The following SEZ6L2 variants were observed in gnomAD, a reference collection of about 807,000 sequenced individuals.
SEZ6L2 encodes the protein seizure related 6 homolog like 2, also known as seizure 6-like protein 2.
SEZ6L2 carries 44 observed loss-of-function variants against 97.0 expected under a neutral mutation model. The observed-to-expected ratio is 0.45, with a 90% CI of 0.36 to 0.58. SEZ6L2 has a LOEUF of 0.58. Among genes scored for constraint, SEZ6L2 ranks in the 20% least tolerant of loss-of-function variants. The probability of loss-of-function intolerance (pLI) is 0.00; values close to 1 mark genes in which losing one functional copy is unlikely to be tolerated. For missense variants in SEZ6L2, 1,086 were observed against 1,233.3 expected (o/e 0.88, Z 1.79); for synonymous variants, 543 against 546.1 (o/e 0.99, Z 0.08).
chr16:29,880,114 G>C, intron 8 of SEZ6L2, 50 bp from the exon 9 acceptor site: 1 of 1,564,638 alleles, frequency 6.4e-7, no homozygotes, highest in Non-Finnish European at 8.7e-7. Context: ...GGCCTCAAGG[G>C]ATCTTAAATT....
At position 29,885,693 on chromosome 16, in the gene SEZ6L2, A is replaced by G. The variant is rs1376675981; in HGVS notation, c.1265T>C (p.Met422Thr). Reference protein sequence around the residue: ...PLSPVIYDSDMDDVPERGLIS... With the variant: ...PLSPVIYDSDTDDVPERGLIS... Reference sequence around the variant, plus strand: ...GAGACCCCGCTCGGGGACATCGTCCATGTCCGAATCATAGATCACGGGGGA... The same window carrying G: ...GAGACCCCGCTCGGGGACATCGTCCGTGTCCGAATCATAGATCACGGGGGA... The change falls in exon 8 of 18, where the codon ATG becomes ACG. Residue 422 changes from methionine to threonine, a missense_variant. Around this residue, in one of 2 missense-constraint regions of SEZ6L2, gnomAD observed 776 missense variants for 794.7 expected, o/e 0.98. Transcript: ENST00000617533. 1 of 1,613,830 alleles carries G rather than the reference A, an allele frequency of 6.2e-7. No individual in the cohort carries two copies. The highest frequency in any genetic ancestry group is 1.3e-5 in the African/African-American group (1 of 74,888).
intron 12 of SEZ6L2, among the ~76,000 whole-genome samples, chr16:29,875,291 G>C (rs956915596): frequency 2.6e-5 from 4 of 152,184 alleles, no homozygotes; most frequent in African/African-American, 9.7e-5. Context: ...GCCAGGGAGT[G>C]GCAGAGCCGG....
At position 29,888,699 on chromosome 16, in the gene SEZ6L2, G is replaced by A; in HGVS notation, c.880C>T (p.Pro294Ser). ...CTCACGTCCCCATGGGCCGGCCGGG[G>A]AGGGAAGCCACAGCTCAGGAGGTAG... Reference protein sequence around the residue: ...QAYLLSCGFPPRPAHGDVSVT... With the variant: ...QAYLLSCGFPSRPAHGDVSVT... The change falls in exon 6 of 18, where the codon CCC (proline) becomes TCC (serine). Residue 294 changes from proline (P) to serine (S), a missense_variant. Coordinates refer to ENST00000617533, the MANE Select transcript of SEZ6L2 (RefSeq NM_001243332.2). 1 of 1,613,420 alleles carries A rather than the reference G, an allele frequency of 6.2e-7. No homozygotes were observed.
intron 6 of SEZ6L2, 142 bp downstream of exon 6, chr16:29,888,398 C>A (rs1004117138): frequency 3.7e-6 from 3 of 807,260 alleles, no homozygotes; most frequent in East Asian, 5.6e-5. Flanking sequence ...TGGCTGCAGA[C>A]CCCAGGATGG....
Position 29,871,401 on chromosome 16 carries a change from C to T in SEZ6L2, c.*298G>A. The T allele has an allele frequency of 1.9e-6, 1 of 527,062 alleles. No individual in the cohort carries two copies. Among genetic ancestry groups the T allele is most frequent in the South Asian group, 2.1e-5 (1 of 47,540 alleles). 32.6% of individuals were successfully genotyped at this position (527,062 alleles called of 1,614,324 possible). A position where few individuals can be genotyped will look rare whatever the true frequency, so the allele number is the denominator to read the frequency against. ...GGCAGTCCTTGAGGGGTGCCCTGGG[C>T]AGGAGGGGCTGCAAGATTTGCAGGG... On this transcript the variant is annotated 3_prime_UTR_variant, in exon 18 of 18. Transcript: ENST00000617533.
At position 29,878,283 on chromosome 16, in the gene SEZ6L2, A is replaced by T; in HGVS notation, c.1712+4T>A. 6.3e-7 allele frequency: 1 copy of T among 1,589,846 alleles called. No individual in the cohort carries two copies. Among genetic ancestry groups the T allele is most frequent in the Non-Finnish European group, 8.6e-7 (1 of 1,166,140 alleles). On this transcript the variant is annotated splice_donor_region_variant and intron_variant, in intron 10 of 17. Coordinates refer to ENST00000617533, the MANE Select transcript of SEZ6L2 (RefSeq NM_001243332.2). Reference sequence around the variant, plus strand: ...GTCGCACCCTCTGCAGGACCCAAACATACATCTCAACTTGGAGCAAGATGC... The same window carrying T: ...GTCGCACCCTCTGCAGGACCCAAACTTACATCTCAACTTGGAGCAAGATGC...
chr16:29,871,576 G>T lies in SEZ6L2; in HGVS notation c.*123C>A. The T allele has an allele frequency of 2.1e-6, 2 of 956,778 alleles. No individual in the cohort carries two copies. The highest frequency in any genetic ancestry group is 3.3e-6 in the Non-Finnish European group (2 of 605,240). 59.3% of individuals were successfully genotyped at this position (956,778 alleles called of 1,614,324 possible). Reference sequence around the variant, plus strand: ...GCCATCAAAGCCCCCTCGTGGGATAGGGAGACTATTTACACAGCCAGGGAG... The same window carrying T: ...GCCATCAAAGCCCCCTCGTGGGATATGGAGACTATTTACACAGCCAGGGAG... On this transcript the variant is annotated 3_prime_UTR_variant, in exon 18 of 18. Transcript: ENST00000617533.
chr16:29,879,471 C>T (rs1415583599), intron 9 of SEZ6L2, among the ~76,000 whole-genome samples: 1 of 151,330 alleles, frequency 6.6e-6, no homozygotes, highest in African/African-American at 2.4e-5. Context: ...GTGATCCGCC[C>T]GCCTCAGCCT....
rs747191657 is a variant in SEZ6L2 at position 29,872,732 on chromosome 16, C to A, written c.2500G>T (p.Glu834Ter). 5 of 1,612,834 alleles carry A rather than the reference C, an allele frequency of 3.1e-6. No homozygotes were observed. The highest frequency in any genetic ancestry group is 4.2e-6 in the Non-Finnish European group (5 of 1,179,714). The change falls in exon 15 of 18, where the codon GAG (glutamate) becomes TAG (stop). Residue 834 changes from glutamate (E) to a stop codon, truncating the protein, a stop_gained. Coordinates refer to ENST00000617533, the MANE Select transcript of SEZ6L2 (RefSeq NM_001243332.2). LOFTEE classifies it high-confidence loss of function. ...TCCAGTTTTCGGTTGTCCAGGAGCT[C>A]CTCATAGGCAACTGCAGGGAGAGGA... is the stretch of plus-strand genomic sequence containing the variant. ...QPPLCKVAYEELLDNRKLEVT... is the reference protein window; with the variant it reads ...QPPLCKVAYE
At chr16:29,883,476 T>C (rs1480378975) in intron 8 of SEZ6L2, among the ~76,000 whole-genome samples, 1 of 152,126 alleles carries the variant, frequency 6.6e-6, no homozygotes, top group African/African-American at 2.4e-5. Context: ...CACACCTGGA[T>C]AATTATTACT....
chr16:29,883,220 T>C (rs2150794746), intron 8 of SEZ6L2, among the ~76,000 whole-genome samples: 1 of 152,314 alleles, frequency 6.6e-6, no homozygotes, highest in South Asian at 2.1e-4. Context: ...AACTCCTCTG[T>C]TTCAGCCACA....
intron 12 of SEZ6L2, among the ~76,000 whole-genome samples, chr16:29,875,063 C>G (rs1299561767): frequency 6.6e-6 from 1 of 152,100 alleles, no homozygotes. Flanking sequence ...TTTGTAGAGA[C>G]AGGGTCTCAC....
chr16:29,877,544 C>A, intron 10 of SEZ6L2, 77 bp from the exon 11 acceptor site: 1 of 1,334,890 alleles, frequency 7.5e-7, no homozygotes, highest in Non-Finnish European at 1.0e-6. Flanking sequence ...ATCCTCAACT[C>A]TGCTCATTGG....
chr16:29,873,240 C>A lies in SEZ6L2; in HGVS notation c.2488G>T (p.Val830Phe). The A allele has an allele frequency of 6.2e-7, 1 of 1,613,854 alleles. No individual in the cohort carries two copies. Among genetic ancestry groups the A allele is most frequent in the Non-Finnish European group, 8.5e-7 (1 of 1,179,944 alleles). Reference protein sequence around the residue: ...QWTSQPPLCKVAYEELLDNRK... With the variant: ...QWTSQPPLCKFAYEELLDNRK... ...CCTCCTGCCCTGTCTGGCCAGGCAC[C>A]TTTGCAGAGTGGGGGCTGGCTGGTC... is the stretch of plus-strand genomic sequence containing the variant. The change falls in exon 14 of 18, where the codon GTT becomes TTT. Residue 830 changes from valine to phenylalanine, a missense_variant and splice_region_variant. Transcript: ENST00000617533. This position sits in a 1 kb window ranked among gnomAD's most constrained non-coding sequence, Gnocchi z 4.3.
Position 29,887,707 on chromosome 16 carries a change from C to T in SEZ6L2, c.1150G>A (p.Glu384Lys), listed in dbSNP as rs751801663. The T allele has an allele frequency of 1.9e-6, 3 of 1,611,614 alleles. No homozygotes were observed. Among genetic ancestry groups the T allele is most frequent in the Admixed American group, 3.3e-5 (2 of 59,724 alleles). ...LTCRWVIEAA[E>K]GRRLHLHFER... ...AAGTGCAGGTGCAGCCGGCGCCCCT[C>T]AGCTGCTTCAATGACCCAACGGCAG... The change falls in exon 7 of 18, where the codon GAG becomes AAG. Residue 384 changes from glutamate to lysine, a missense_variant. Glu to Lys is a moderately conservative substitution (Grantham distance 56). Coordinates refer to ENST00000617533, the MANE Select transcript of SEZ6L2 (RefSeq NM_001243332.2).
rs149959610 is a variant in SEZ6L2, at chr16:29,871,561, C to T, written c.*138G>A. ...TGTAGGATCTCCAGGGCCATCAAAG[C>T]CCCCTCGTGGGATAGGGAGACTATT... On this transcript the variant is annotated 3_prime_UTR_variant, in exon 18 of 18. Transcript: ENST00000617533. 6.4e-4 allele frequency: 546 copies of T among 846,860 alleles called. 2 individuals carry two copies. Among genetic ancestry groups the T allele is most frequent in the Middle Eastern group, 3.5e-3 (11 of 3,144 alleles). 52.5% of individuals were successfully genotyped at this position (846,860 alleles called of 1,614,324 possible).
Position 29,873,369 on chromosome 16 carries a change from G to A in SEZ6L2, c.2359C>T (p.His787Tyr). ...PENGYQTLYK[H>Y]HYQAGESLRF... Reference sequence around the variant, plus strand: ...AGAGACTCGCCCGCCTGGTAGTGGTGCTTGTACAGCGTCTGGTAGCCATTC... The same window carrying A: ...AGAGACTCGCCCGCCTGGTAGTGGTACTTGTACAGCGTCTGGTAGCCATTC... The change falls in exon 14 of 18, where the codon CAC becomes TAC. Residue 787 changes from histidine to tyrosine, a missense_variant. By Grantham distance (83) the His-to-Tyr change is moderately conservative. Transcript: ENST00000617533. This position sits in a 1 kb window ranked among gnomAD's most constrained non-coding sequence, Gnocchi z 4.3. 5 of 1,614,264 alleles carry A rather than the reference G, an allele frequency of 3.1e-6. No homozygotes were observed. Among genetic ancestry groups the A allele is most frequent in the Non-Finnish European group, 4.2e-6 (5 of 1,180,054 alleles).
At chr16:29,881,647 G>A (rs913102021) in intron 8 of SEZ6L2, among the ~76,000 whole-genome samples, 1 of 116,250 alleles carries the variant, frequency 8.6e-6, no homozygotes, top group Non-Finnish European at 1.9e-5. Context: ...TTTTTTTTGG[G>A]ATGGAGTTTC....
rs11312644 is a variant in SEZ6L2, at chr16:29,880,328, A to ATT, written c.1373-266_1373-265dup. Among the ~76,000 whole-genome samples the ATT allele has an allele frequency of 1.3e-3, 184 of 137,656 alleles. 1 individual carries two copies. The highest frequency in any genetic ancestry group is 4.7e-3 in the African/African-American group (177 of 38,038). 90.3% of individuals were successfully genotyped at this position (137,656 alleles called of 152,430 possible). A position where few individuals can be genotyped will look rare whatever the true frequency, so the allele number is the denominator to read the frequency against. On this transcript the variant is annotated intron_variant, in intron 8 of 17. Coordinates refer to ENST00000617533, the MANE Select transcript of SEZ6L2 (RefSeq NM_001243332.2). The stretch of plus-strand genomic sequence containing the variant: ...CAGGCGTGCACCACCATGCCCAGCT[A>ATT]TTTTTTTTTTTTTTGAGATGGAATT...
Sources: gnomAD v4.1 joint callset for allele counts (sites outside exome capture counted in the v4.1 genomes callset) on GRCh38, gnomAD v4.1.1 for gene constraint, gnomAD v4.1.1 regional missense constraint, Gnocchi (gnomAD v3.1) non-coding constraint, MANE v1.5 for transcripts, NCBI Gene and HGNC (gene_info 2026-07-23, HGNC 2026-07-21) for gene names.